The following AUTS2 variants were observed in gnomAD, a reference collection of about 807,000 sequenced individuals.
AUTS2 encodes autism susceptibility gene 2 protein.
Under a neutral mutation model 112.4 loss-of-function variants are expected in AUTS2, and 17 were observed. The observed-to-expected ratio is 0.15, with a 90% confidence interval of 0.10 to 0.23. The LOEUF (loss-of-function observed/expected upper bound fraction) is 0.23, where lower values mean the gene tolerates loss of function less well. Among genes scored for constraint, AUTS2 ranks in the 10% least tolerant of loss-of-function variants. AUTS2 has a pLI of 1.00. For synonymous variants in AUTS2, 751 were observed against 702.7 expected (o/e 1.07, Z -1.09); for missense variants, 1,510 against 1,701.6 (o/e 0.89, Z 1.98).
intron 1 of AUTS2, among the ~76,000 whole-genome samples, chr7:69,767,874 A>G (rs776280282): frequency 1.3e-5 from 2 of 152,188 alleles, no homozygotes; most frequent in African/African-American, 4.8e-5. Context: ...ACCAATTTAA[A>G]TGTCACTTTG....
At chr7:69,844,474 T>C (rs1424196003) in intron 1 of AUTS2, among the ~76,000 whole-genome samples, 1 of 152,136 alleles carries the variant, frequency 6.6e-6, no homozygotes, top group Non-Finnish European at 1.5e-5. Flanking sequence ...AAAACTGTCA[T>C]GGTTTTCAGA....
intron 3 of AUTS2, 34 bp downstream of exon 3, chr7:70,118,267 A>AAAG (rs773344246): frequency 4.1e-6 from 6 of 1,468,196 alleles, no homozygotes; most frequent in Non-Finnish European, 5.5e-6. Context: ...AAAAAAAAAA[A>AAAG]TTAACGAAAA....
chr7:69,664,891 A>G (rs911156522), intron 1 of AUTS2, among the ~76,000 whole-genome samples: 3 of 152,206 alleles, frequency 2.0e-5, no homozygotes, highest in African/African-American at 7.2e-5. Flanking sequence ...GGACTATGAA[A>G]TGATTGTTGT....
chr7:69,744,564 G>A (rs1787405040), intron 1 of AUTS2, among the ~76,000 whole-genome samples: 1 of 151,934 alleles, frequency 6.6e-6, no homozygotes, highest in Admixed American at 6.6e-5. Context: ...CAGGTGTGAT[G>A]GCTCATGCCT....
At chr7:70,621,688 A>G (rs1428135820) in intron 5 of AUTS2, among the ~76,000 whole-genome samples, 1 of 152,158 alleles carries the variant, frequency 6.6e-6, no homozygotes, top group African/African-American at 2.4e-5. Flanking sequence ...TAAACTGATG[A>G]TCATGTCTGA....
intron 2 of AUTS2, among the ~76,000 whole-genome samples, chr7:70,066,697 A>C (rs1802512753): frequency 6.6e-6 from 1 of 151,860 alleles, no homozygotes; most frequent in African/African-American, 2.4e-5. Flanking sequence ...ATGCCACCAC[A>C]CCCAGCTAAT....
chr7:70,391,704 A>G (rs1793868048), intron 4 of AUTS2, among the ~76,000 whole-genome samples: 1 of 152,198 alleles, frequency 6.6e-6, no homozygotes, highest in Non-Finnish European at 1.5e-5. Flanking sequence ...AATAAAAAGC[A>G]GCAAATTAAG....
intron 2 of AUTS2, among the ~76,000 whole-genome samples, chr7:69,961,405 C>G (rs1325361858): frequency 6.6e-6 from 1 of 152,130 alleles, no homozygotes; most frequent in Admixed American, 6.6e-5. Flanking sequence ...GTGATTGTAT[C>G]AGAGCTTACT....
At chr7:69,912,988 CCT>C (rs1369262280) in intron 2 of AUTS2, among the ~76,000 whole-genome samples, 1 of 151,888 alleles carries the variant, frequency 6.6e-6, no homozygotes, top group Non-Finnish European at 1.5e-5. Context: ...AAGATTGAAG[CCT>C]CTTAGTATAG....
chr7:70,777,216 A>G (rs775117301), intron 14 of AUTS2, 42 bp downstream of exon 14: 54 of 1,565,874 alleles, frequency 3.4e-5, no homozygotes, highest in Middle Eastern at 1.7e-4. Flanking sequence ...TGGGATGCAC[A>G]TGTGAGTGTG....
At chr7:69,603,354 A>T (rs1792539016) in intron 1 of AUTS2, among the ~76,000 whole-genome samples, 1 of 152,218 alleles carries the variant, frequency 6.6e-6, no homozygotes, top group African/African-American at 2.4e-5. Flanking sequence ...ACTCATTATG[A>T]AATGTGCTAA....
intron 5 of AUTS2, among the ~76,000 whole-genome samples, chr7:70,682,625 G>C (rs906823663): frequency 6.6e-6 from 1 of 152,174 alleles, no homozygotes; most frequent in Non-Finnish European, 1.5e-5. Flanking sequence ...TTCCATTCTC[G>C]CAGTGTTGAT....
Position 69,598,535 on chromosome 7 carries a change from T to C in AUTS2, c.-1119T>C. ...CGCCGTGCACCCTCCGGCTCGGGGC[T>C]TTCTCGGCGGCGGCGGCGGCAGCAG... On this transcript the variant is annotated 5_prime_UTR_variant, in exon 1 of 19. Transcript: ENST00000342771. The C allele has an allele frequency of 6.1e-6, 1 of 165,238 alleles. No individual in the cohort carries two copies. Among genetic ancestry groups the C allele is most frequent in the South Asian group, 1.2e-4 (1 of 8,058 alleles). The allele number at this position is 165,238 out of a possible 1,614,324, so 10.2% of individuals were successfully genotyped here.
intron 2 of AUTS2, among the ~76,000 whole-genome samples, chr7:70,058,882 A>C (rs1802114216): frequency 6.6e-6 from 1 of 152,128 alleles, no homozygotes; most frequent in Non-Finnish European, 1.5e-5. Context: ...TTTTAGGTTT[A>C]ACAGCAAAAC....
At chr7:69,638,474 G>T (rs1321914572) in intron 1 of AUTS2, among the ~76,000 whole-genome samples, 1 of 152,140 alleles carries the variant, frequency 6.6e-6, no homozygotes, top group Admixed American at 6.6e-5. Flanking sequence ...CCTTGATATG[G>T]TACTTTGTAT....
At chr7:70,060,202 T>C (rs1802179671) in intron 2 of AUTS2, among the ~76,000 whole-genome samples, 1 of 152,212 alleles carries the variant, frequency 6.6e-6, no homozygotes, top group South Asian at 2.1e-4. Context: ...GTACACTCTT[T>C]CTTTGGTATG....
intron 4 of AUTS2, among the ~76,000 whole-genome samples, chr7:70,215,148 G>A (rs143595583): frequency 1.2e-4 from 18 of 152,230 alleles, no homozygotes; most frequent in Admixed American, 4.6e-4. Context: ...AGCTAGGTGC[G>A]GTGACATCTT....
intron 1 of AUTS2, among the ~76,000 whole-genome samples, chr7:69,648,383 C>T (rs1262810379): frequency 6.6e-6 from 1 of 151,210 alleles, no homozygotes; most frequent in African/African-American, 2.4e-5. Context: ...TTGTTTAAAA[C>T]ATAGGTTCTC....
At chr7:70,477,958 C>T (rs1001969093) in intron 5 of AUTS2, among the ~76,000 whole-genome samples, 1 of 152,240 alleles carries the variant, frequency 6.6e-6, no homozygotes, top group Admixed American at 6.5e-5. Flanking sequence ...GATCTGTGAG[C>T]GTGGTTCTGA....
Sources: gnomAD v4.1 joint callset for allele counts (sites outside exome capture counted in the v4.1 genomes callset) on GRCh38, gnomAD v4.1.1 for gene constraint, MANE v1.5 for transcripts, NCBI Gene and HGNC (gene_info 2026-07-23, HGNC 2026-07-21) for gene names.